The following RAPGEF6 variants were observed in gnomAD, a reference collection of about 807,000 sequenced individuals.
RAPGEF6 encodes Rap guanine nucleotide exchange factor 6, also known as PDZ domain containing guanine nucleotide exchange factor (GEF) 2.
In RAPGEF6, 56 loss-of-function variants were observed where a neutral mutation model predicts 171.4. That is an observed-to-expected ratio of 0.33 (90% CI 0.26 to 0.41). RAPGEF6 has a LOEUF of 0.41. Among genes scored for constraint, RAPGEF6 ranks in the 10% least tolerant of loss-of-function variants. RAPGEF6 has a pLI of 1.00. For missense variants in RAPGEF6, 1,674 were observed against 1,921.4 expected (o/e 0.87, Z 2.41); for synonymous variants, 692 against 650.1 (o/e 1.06, Z -0.98).
In RAPGEF6 at chr5:131,442,358, G is replaced by C. The variant is rs1443267719; in HGVS notation, c.3601C>G (p.Pro1201Ala). The C allele has an allele frequency of 6.2e-7, 1 of 1,613,532 alleles. No individual in the cohort carries two copies. The highest frequency in any genetic ancestry group is 1.7e-5 in the Admixed American group (1 of 59,956). ...AATGGTGAATACTCACTCAGTGCAG[G>C]GTCTTTTGTTTGTCCCTTCTTCCTG... ...PIRKKGQTKD[P>A]ALNTSLPQKV... The change falls in exon 23 of 28, where the codon CCT (proline) becomes GCT (alanine). Residue 1201 changes from proline (P) to alanine (A), a missense_variant. Transcript: ENST00000509018.
chr5:131,513,747 C>T (rs1003549425), intron 7 of RAPGEF6, among the ~76,000 whole-genome samples: 1 of 152,212 alleles, frequency 6.6e-6, no homozygotes, highest in African/African-American at 2.4e-5. Context: ...ATGGCTCCTG[C>T]CTGTAATCTC....
At chr5:131,436,582 G>T (rs1342561798) in intron 24 of RAPGEF6, among the ~76,000 whole-genome samples, 1 of 151,532 alleles carries the variant, frequency 6.6e-6, no homozygotes, top group East Asian at 1.9e-4. Context: ...GAATGCAGGA[G>T]AAAGATTACC....
intron 4 of RAPGEF6, among the ~76,000 whole-genome samples, chr5:131,567,619 T>C (rs543021714): frequency 2.0e-5 from 3 of 152,310 alleles, no homozygotes; most frequent in South Asian, 2.1e-4. Context: ...AATGATTTCA[T>C]TCCTTTCAAT....
intron 15 of RAPGEF6, among the ~76,000 whole-genome samples, chr5:131,480,281 C>T (rs1288851331): frequency 6.6e-6 from 1 of 152,072 alleles, no homozygotes; most frequent in African/African-American, 2.4e-5. Context: ...AACTGTGGGT[C>T]TTGAATATGC....
At chr5:131,474,972 T>A (rs1187429264) in intron 16 of RAPGEF6, among the ~76,000 whole-genome samples, 1 of 152,216 alleles carries the variant, frequency 6.6e-6, no homozygotes, top group Non-Finnish European at 1.5e-5. Context: ...ATTAACTGCA[T>A]CAACTGCAGC....
intron 17 of RAPGEF6, among the ~76,000 whole-genome samples, chr5:131,467,465 G>C (rs1342468892): frequency 1.3e-5 from 2 of 152,236 alleles, no homozygotes; most frequent in African/African-American, 4.8e-5. Flanking sequence ...ATTAATGACA[G>C]TGTAAACCTC....
At chr5:131,462,697 A>C (rs1754018446) in intron 18 of RAPGEF6, among the ~76,000 whole-genome samples, 1 of 152,228 alleles carries the variant, frequency 6.6e-6, no homozygotes, top group African/African-American at 2.4e-5. Context: ...TTCTTCTCTT[A>C]AATCAACAAT....
chr5:131,508,578 A>G (rs1757516783), intron 8 of RAPGEF6, among the ~76,000 whole-genome samples: 1 of 151,782 alleles, frequency 6.6e-6, no homozygotes, highest in Non-Finnish European at 1.5e-5. Flanking sequence ...AGTTCTTACT[A>G]AACAAAAGTA....
In RAPGEF6 at chr5:131,557,739, CA is replaced by C. The variant is rs1761329091; in HGVS notation, c.351+4238del. Among the ~76,000 whole-genome samples, 4 of 152,234 alleles carry C rather than the reference CA, an allele frequency of 2.6e-5. No individual in the cohort carries two copies. The South Asian group carries it at 8.3e-4, about 32-fold the overall frequency. On this transcript the variant is annotated intron_variant, in intron 5 of 27. Transcript: ENST00000509018. Reference sequence around the variant, plus strand: ...AAAATCATGAACGGGTTCTGATTATCAAGAGCTTTTTCTGCATCCATAGAAA... The same window carrying C: ...AAAATCATGAACGGGTTCTGATTATCAGAGCTTTTTCTGCATCCATAGAAA...
intron 9 of RAPGEF6, among the ~76,000 whole-genome samples, chr5:131,506,723 T>TAC (rs1757394827): frequency 6.6e-6 from 1 of 152,090 alleles, no homozygotes; most frequent in African/African-American, 2.4e-5. Context: ...TCTAGAACAG[T>TAC]ACCTGGCACA....
At chr5:131,562,992 T>C (rs1380862471) in intron 4 of RAPGEF6, among the ~76,000 whole-genome samples, 2 of 151,654 alleles carry the variant, frequency 1.3e-5, no homozygotes, top group South Asian at 2.1e-4. Flanking sequence ...TCTCAGCATA[T>C]CAAAAAGAAA....
At position 131,442,332 on chromosome 5, in the gene RAPGEF6, T is replaced by C. The variant is rs1367412462; in HGVS notation, c.3610+17A>G. 2 of 1,587,276 alleles carry C rather than the reference T, an allele frequency of 1.3e-6. No homozygotes were observed. Among genetic ancestry groups the C allele is most frequent in the African/African-American group, 2.7e-5 (2 of 73,854 alleles). On this transcript the variant is annotated intron_variant, in intron 23 of 27. Transcript: ENST00000509018. The stretch of plus-strand genomic sequence containing the variant: ...AATTTCAGGTAAACGGATGTAATAT[T>C]AATGGTGAATACTCACTCAGTGCAG...
chr5:131,449,967 A>G, intron 21 of RAPGEF6: 1 of 1,481,582 alleles, frequency 6.7e-7, no homozygotes, highest in Non-Finnish European at 9.1e-7. Context: ...AAAGGATGCA[A>G]TATATGTTAA....
chr5:131,590,620 T>C (rs1161382720), intron 4 of RAPGEF6, among the ~76,000 whole-genome samples: 2 of 152,228 alleles, frequency 1.3e-5, no homozygotes, highest in Non-Finnish European at 2.9e-5. Context: ...ATCAGTATTA[T>C]TCTTTAGAAT....
intron 5 of RAPGEF6, among the ~76,000 whole-genome samples, chr5:131,550,950 T>C (rs1017471302): frequency 6.6e-6 from 1 of 152,228 alleles, no homozygotes; most frequent in African/African-American, 2.4e-5. Flanking sequence ...ACTAATAAGA[T>C]AACAAGTTCT....
intron 12 of RAPGEF6, among the ~76,000 whole-genome samples, chr5:131,496,589 A>T (rs1756654821): frequency 6.6e-6 from 1 of 152,176 alleles, no homozygotes; most frequent in African/African-American, 2.4e-5. Context: ...TGGCTATTCC[A>T]CATAAATAGA....
chr5:131,583,102 T>G (rs1222036565), intron 4 of RAPGEF6, among the ~76,000 whole-genome samples: 2 of 152,218 alleles, frequency 1.3e-5, no homozygotes, highest in Non-Finnish European at 2.9e-5. Flanking sequence ...CAAATGTCCA[T>G]CAGCAGTTGA....
chr5:131,603,423 T>C, intron 2 of RAPGEF6, 96 bp from the exon 3 acceptor site: 4 of 807,864 alleles, frequency 5.0e-6, no homozygotes, highest in Non-Finnish European at 7.9e-6. Context: ...AATTGATTGT[T>C]AGAAAATGAC....
chr5:131,495,791 C>T, intron 12 of RAPGEF6, 131 bp from the exon 13 acceptor site: 1 of 1,325,586 alleles, frequency 7.5e-7, no homozygotes, highest in Admixed American at 3.0e-5. Context: ...GTAAAAAAGG[C>T]TCATTCTAAC....
Sources: gnomAD v4.1 joint callset for allele counts (sites outside exome capture counted in the v4.1 genomes callset) on GRCh38, gnomAD v4.1.1 for gene constraint, MANE v1.5 for transcripts, NCBI Gene and HGNC (gene_info 2026-07-23, HGNC 2026-07-21) for gene names.